TLE6: variants seen among roughly 807,000 people sequenced by gnomAD.
TLE6 encodes the protein transducin-like enhancer protein 6.
A neutral mutation model predicts 77.1 loss-of-function variants in TLE6; 72 were observed. That is an observed-to-expected ratio of 0.93 (90% CI 0.77 to 1.14). The LOEUF (loss-of-function observed/expected upper bound fraction) is 1.14. TLE6 is among the 50% of genes most tolerant of loss of function. The pLI is 0.00. For synonymous variants in TLE6, 366 were observed against 287.3 expected (o/e 1.27, Z -2.77); for missense variants, 843 against 747.6 (o/e 1.13, Z -1.49).
chr19:2,994,653 A>T (rs1282776680), intron 16 of TLE6, among the ~76,000 whole-genome samples: 1 of 151,910 alleles, frequency 6.6e-6, no homozygotes, highest in Non-Finnish European at 1.5e-5. Context: ...TAAAAATAAT[A>T]ATTAGCTGAG....
At chr19:2,982,061 G>T in intron 4 of TLE6, 87 bp from the exon 5 acceptor site, 2 of 1,395,846 alleles carry the variant, frequency 1.4e-6, no homozygotes, top group Non-Finnish European at 9.9e-7. Context: ...GGGAGTAGGG[G>T]CCAGAGAGGT....
intron 12 of TLE6, 78 bp downstream of exon 12, chr19:2,989,391 G>C: frequency 6.3e-7 from 1 of 1,590,742 alleles, no homozygotes; most frequent in South Asian, 1.1e-5. Flanking sequence ...GCAGAGCCCA[G>C]ATCGTGGAGA....
rs1462169965 is a variant in TLE6, at chr19:2,987,028, A to G, written c.331A>G (p.Lys111Glu). Reference protein sequence around the residue: ...PASPGTPQQVKDKTLQESSFE... With the variant: ...PASPGTPQQVEDKTLQESSFE... ...CAGCCCTGGGACGCCCCAGCAGGTG[A>G]AGGACAAGACCCTGCAGGAGTCGAG... is the stretch of plus-strand genomic sequence containing the variant. The change falls in exon 7 of 17, where the codon AAG becomes GAG. Residue 111 changes from lysine (K) to glutamate (E), a missense_variant. Transcript: ENST00000246112. 13 of 1,613,814 alleles carry G rather than the reference A, an allele frequency of 8.1e-6. No homozygotes were observed. Among genetic ancestry groups the G allele is most frequent in the East Asian group, 4.5e-5 (2 of 44,864 alleles).
intron 13 of TLE6, 86 bp from the exon 14 acceptor site, chr19:2,991,757 C>T (rs1250872263): frequency 7.2e-7 from 1 of 1,392,828 alleles, no homozygotes; most frequent in Non-Finnish European, 1.0e-6. Context: ...CTGTCCCTTT[C>T]ATGCCCAAAT....
At chr19:2,994,723 G>C (rs1166555625) in intron 16 of TLE6, among the ~76,000 whole-genome samples, 177 bp from the exon 17 acceptor site, 1 of 152,210 alleles carries the variant, frequency 6.6e-6, no homozygotes, top group Admixed American at 6.5e-5. Flanking sequence ...AAGATTGTGT[G>C]AGTCCAGGAG....
chr19:2,986,857 G>T lies in TLE6; in HGVS notation c.251G>T (p.Ser84Ile). ...QIGNVLQIVESCSQLQGFQSE... is the reference protein window; with the variant it reads ...QIGNVLQIVEICSQLQGFQSE... Reference sequence around the variant, plus strand: ...GGAAACGTCTTACAGATTGTGGAGAGCTGCAGCCAACTCCAGGGTTTCCAG... The same window carrying T: ...GGAAACGTCTTACAGATTGTGGAGATCTGCAGCCAACTCCAGGGTTTCCAG... Residue 84 changes from serine to isoleucine, a missense_variant, in exon 6 of 17, where the codon AGC becomes ATC. Coordinates refer to ENST00000246112, the MANE Select transcript of TLE6 (RefSeq NM_001143986.2). 6.4e-7 allele frequency: 1 copy of T among 1,551,720 alleles called. No individual in the cohort carries two copies. Among genetic ancestry groups the T allele is most frequent in the Non-Finnish European group, 8.7e-7 (1 of 1,147,008 alleles).
chr19:2,979,596 G>A (rs2145012671), intron 2 of TLE6, among the ~76,000 whole-genome samples: 1 of 151,908 alleles, frequency 6.6e-6, no homozygotes, highest in African/African-American at 2.4e-5. Context: ...CAAGAATGTG[G>A]TGAACATTTT....
rs149099326 is a variant in TLE6, at chr19:2,994,339, G to A, written c.1614+244G>A. On this transcript the variant is annotated intron_variant, in intron 16 of 16. Coordinates refer to ENST00000246112, the MANE Select transcript of TLE6 (RefSeq NM_001143986.2). ...AAAAATAATTAGCTGAGCCGGGTGC[G>A]GTGGCTCACGCCTGTAATCCCAGCA... Among the ~76,000 whole-genome samples, 87 of 152,216 alleles carry A rather than the reference G, an allele frequency of 5.7e-4. 2 individuals are homozygous for A. The East Asian group carries it at 0.014, about 24-fold the overall frequency.
intron 14 of TLE6, 99 bp from the exon 15 acceptor site, chr19:2,993,333 G>GTCACCC: frequency 7.6e-7 from 1 of 1,323,648 alleles, no homozygotes; most frequent in South Asian, 1.5e-5. Context: ...GAAGGGGTCA[G>GTCACCC]TCACCCGGCC....
Position 2,978,287 on chromosome 19 carries a change from G to A in TLE6, c.51+3G>A. 1 of 1,551,394 alleles carries A rather than the reference G, an allele frequency of 6.4e-7. No individual in the cohort carries two copies. Among genetic ancestry groups the A allele is most frequent in the Non-Finnish European group, 8.7e-7 (1 of 1,146,968 alleles). ...AGGGCCCCCCGAAAAGCACTTCGGTGAGGAGGGCATGTGGTGGGATCAGCC... is the reference window on the plus strand; with the variant it reads ...AGGGCCCCCCGAAAAGCACTTCGGTAAGGAGGGCATGTGGTGGGATCAGCC... On this transcript the variant is annotated splice_donor_region_variant and intron_variant, in intron 2 of 16. Coordinates refer to ENST00000246112, the MANE Select transcript of TLE6 (RefSeq NM_001143986.2).
chr19:2,989,584 G>A lies in TLE6; in HGVS notation c.1043G>A (p.Ser348Asn), dbSNP rs140689745. The change falls in exon 13 of 17, where the codon AGC becomes AAC. Residue 348 changes from serine (S) to asparagine (N), a missense_variant. Physicochemically the swap from Ser to Asn is conservative, Grantham distance 46 (BLOSUM62 1). Coordinates refer to ENST00000246112, the MANE Select transcript of TLE6 (RefSeq NM_001143986.2). ...RTCLLSSNSR[S>N]LLTGGYNLAS... ...TGCCTGCTGTCCTCAAACAGCAGGA[G>A]CCTGCTCACCGGTGGCTACAACCTG... 4.3e-6 allele frequency: 7 copies of A among 1,613,654 alleles called. No individual in the cohort carries two copies. Among genetic ancestry groups the A allele is most frequent in the African/African-American group, 2.7e-5 (2 of 74,928 alleles).
chr19:2,979,913 G>A (rs1409405419), intron 2 of TLE6, among the ~76,000 whole-genome samples, 187 bp from the exon 3 acceptor site: 1 of 146,266 alleles, frequency 6.8e-6, no homozygotes, highest in East Asian at 2.0e-4. Context: ...GCAGTGAGCT[G>A]AGATTGTGCC....
intron 15 of TLE6, 31 bp from the exon 16 acceptor site, chr19:2,993,988 C>A (rs750401493): frequency 8.2e-6 from 12 of 1,455,412 alleles, no homozygotes; most frequent in Non-Finnish European, 1.1e-5. Flanking sequence ...GGTAGTGGTT[C>A]TAAGTCTCGC....
At chr19:2,977,962 G>A (rs2088712014) in intron 1 of TLE6, among the ~76,000 whole-genome samples, 2 of 152,014 alleles carry the variant, frequency 1.3e-5, no homozygotes, top group South Asian at 2.1e-4. Context: ...AGCCTCCTAG[G>A]GTGAGGCCTG....
At chr19:2,984,473 C>G (rs1231366982) in intron 5 of TLE6, 1 of 151,806 alleles carries the variant, frequency 6.6e-6, no homozygotes, top group Non-Finnish European at 1.5e-5. Context: ...GCCTTGCTTT[C>G]TTTTTTTGTT....
chr19:2,987,591 C>G, intron 8 of TLE6, 133 bp from the exon 9 acceptor site: 1 of 1,172,242 alleles, frequency 8.5e-7, no homozygotes, highest in Non-Finnish European at 1.3e-6. Context: ...GACTCTCTCT[C>G]TGCAACTCTG....
intron 10 of TLE6, 42 bp from the exon 11 acceptor site, chr19:2,988,049 T>G (rs778944815): frequency 6.4e-7 from 1 of 1,560,098 alleles, no homozygotes; most frequent in South Asian, 1.2e-5. Flanking sequence ...GGCACAGATG[T>G]GCGGGGAGGC....
chr19:2,987,994 TG>T lies in TLE6; in HGVS notation c.702+22del. On this transcript the variant is annotated intron_variant, in intron 10 of 16. Coordinates refer to ENST00000246112, the MANE Select transcript of TLE6 (RefSeq NM_001143986.2). ...GTCCAGGTGAGACCCAGGCCCGAGC[TG>T]GTAGCCCAGCGTGAAGGCTGCCCAG... The T allele has an allele frequency of 6.2e-7, 1 of 1,606,044 alleles. No individual in the cohort carries two copies. Among genetic ancestry groups the T allele is most frequent in the East Asian group, 2.2e-5 (1 of 44,534 alleles).
rs1264905704 is a variant in TLE6, at chr19:2,977,955, C to A, written c.-36-243C>A. On this transcript the variant is annotated intron_variant, in intron 1 of 16. Transcript: ENST00000246112. ...GTGTATGTGCACTATCCACCCCAGCCTCCTAGGGTGAGGCCTGGGAGGCAA... is the reference window on the plus strand; with the variant it reads ...GTGTATGTGCACTATCCACCCCAGCATCCTAGGGTGAGGCCTGGGAGGCAA... Among the ~76,000 whole-genome samples the A allele has an allele frequency of 3.3e-5, 5 of 152,180 alleles. No individual in the cohort carries two copies. The South Asian group carries it at 8.3e-4, about 25-fold the overall frequency.
Sources: allele counts gnomAD v4.1 joint callset (sites outside exome capture counted in the v4.1 genomes callset), GRCh38; gene constraint gnomAD v4.1.1; transcripts MANE v1.5; gene names NCBI Gene and HGNC (gene_info 2026-07-23, HGNC 2026-07-21).